MAGI2: variants seen among roughly 807,000 people sequenced by gnomAD.
MAGI2 encodes the protein membrane-associated guanylate kinase, WW and PDZ domain-containing protein 2.
Under a neutral mutation model 133.3 loss-of-function variants are expected in MAGI2, and 35 were observed. That is an observed-to-expected ratio of 0.26 (90% CI 0.20 to 0.35). MAGI2 has a LOEUF of 0.35. Among genes scored for constraint, MAGI2 ranks in the 10% least tolerant of loss-of-function variants. MAGI2 has a pLI of 1.00. For synonymous variants in MAGI2, 729 were observed against 710.6 expected (o/e 1.03, Z -0.41); for missense variants, 1,636 against 1,863.4 (o/e 0.88, Z 2.25).
intron 6 of MAGI2, among the ~76,000 whole-genome samples, chr7:78,438,341 A>C (rs1046794878): frequency 1.1e-4 from 17 of 152,102 alleles, no homozygotes; most frequent in African/African-American, 4.1e-4. Flanking sequence ...TAAGATGTGA[A>C]TTCACTTGTA....
chr7:78,186,116 C>T (rs1827671416), intron 12 of MAGI2, among the ~76,000 whole-genome samples: 1 of 152,010 alleles, frequency 6.6e-6, no homozygotes, highest in South Asian at 2.1e-4. Context: ...GATTTATGTA[C>T]ACTAGTCCAA....
At chr7:79,363,709 A>C (rs965285161) in intron 1 of MAGI2, among the ~76,000 whole-genome samples, 3 of 144,022 alleles carry the variant, frequency 2.1e-5, no homozygotes, top group Non-Finnish European at 3.0e-5. Flanking sequence ...AAAAAAAAAA[A>C]CAGAATTGCA....
At chr7:78,078,802 GT>G (rs1563092812) in intron 21 of MAGI2, 144 bp downstream of exon 21, 1 of 766,528 alleles carries the variant, frequency 1.3e-6, no homozygotes, top group Non-Finnish European at 2.2e-6. Flanking sequence ...GTGTGTGTGT[GT>G]GTGTGTGTGT....
intron 2 of MAGI2, among the ~76,000 whole-genome samples, chr7:78,843,997 A>C (rs546701847): frequency 6.8e-6 from 1 of 147,362 alleles, no homozygotes; most frequent in Admixed American, 6.8e-5. Context: ...TATTATTTAT[A>C]TATATATATT....
intron 2 of MAGI2, among the ~76,000 whole-genome samples, chr7:78,780,888 T>C (rs1826343167): frequency 6.6e-6 from 1 of 152,234 alleles, no homozygotes; most frequent in Admixed American, 6.5e-5. Flanking sequence ...AAAAGTAAGA[T>C]GACTGAAAAG....
At position 79,099,127 on chromosome 7, in the gene MAGI2, T is replaced by C. The variant is rs568124357; in HGVS notation, c.302-91921A>G. Among the ~76,000 whole-genome samples the C allele has an allele frequency of 7.2e-5, 11 of 152,202 alleles. No homozygotes were observed. The East Asian group carries it at 2.1e-3, about 29-fold the overall frequency. On this transcript the variant is annotated intron_variant, in intron 1 of 21. Coordinates refer to ENST00000354212, the MANE Select transcript of MAGI2 (RefSeq NM_012301.4). ...ATAAATTTAAATTCAAGCTTTCCCT[T>C]TAGCGATTTCAGTTATTTAAAAGTT... is the stretch of plus-strand genomic sequence containing the variant.
rs201949773 is a variant in MAGI2, at chr7:78,581,938, TC to T, written c.538+45181del. On this transcript the variant is annotated intron_variant, in intron 3 of 21. Coordinates refer to ENST00000354212, the MANE Select transcript of MAGI2 (RefSeq NM_012301.4). Reference sequence around the variant, plus strand: ...CTTGTGCCTTCAGAAGTAAGGACATTCCTTTCCTCCGGGTATATGGAGAGCA... The same window carrying T: ...CTTGTGCCTTCAGAAGTAAGGACATTCTTTCCTCCGGGTATATGGAGAGCA... Among the ~76,000 whole-genome samples the T allele has an allele frequency of 9.3e-4, 141 of 152,310 alleles. No individual in the cohort carries two copies. The East Asian group carries it at 0.025, about 27-fold the overall frequency.
intron 2 of MAGI2, among the ~76,000 whole-genome samples, chr7:78,830,081 A>G (rs1791007979): frequency 6.6e-6 from 1 of 152,020 alleles, no homozygotes; most frequent in Admixed American, 6.6e-5. Context: ...AATCAAAATA[A>G]TTTTTCTTTT....
At chr7:78,114,818 G>A (rs2150478506) in intron 20 of MAGI2, among the ~76,000 whole-genome samples, 2 of 152,314 alleles carry the variant, frequency 1.3e-5, no homozygotes, top group Middle Eastern at 6.8e-3. Flanking sequence ...ACTCACACAA[G>A]TGGGGACTGG....
chr7:79,068,741 C>A (rs1814638585), intron 1 of MAGI2, among the ~76,000 whole-genome samples: 1 of 152,118 alleles, frequency 6.6e-6, no homozygotes, highest in South Asian at 2.1e-4. Context: ...TATAAATTTC[C>A]CTCCACACAC....
chr7:79,098,075 T>C (rs1173357691), intron 1 of MAGI2, among the ~76,000 whole-genome samples: 3 of 152,118 alleles, frequency 2.0e-5, no homozygotes, highest in Admixed American at 2.0e-4. Flanking sequence ...TGAGCCAAGA[T>C]GGCACCTCTG....
intron 1 of MAGI2, among the ~76,000 whole-genome samples, chr7:79,104,715 G>T (rs140006725): frequency 1.3e-5 from 2 of 151,794 alleles, no homozygotes; most frequent in Non-Finnish European, 2.9e-5. Flanking sequence ...AAAAAGAAAA[G>T]AAAAGAAAAA....
chr7:78,824,582 A>G (rs1790460175), intron 2 of MAGI2, among the ~76,000 whole-genome samples: 3 of 151,984 alleles, frequency 2.0e-5, no homozygotes, highest in Non-Finnish European at 2.9e-5. Context: ...TCTTTTGAGA[A>G]GTTTCAGTTC....
intron 1 of MAGI2, among the ~76,000 whole-genome samples, chr7:79,172,454 A>G (rs1187160544): frequency 6.6e-6 from 1 of 152,098 alleles, no homozygotes; most frequent in Non-Finnish European, 1.5e-5. Flanking sequence ...CCATTATAAG[A>G]ATGTGATGTC....
intron 2 of MAGI2, among the ~76,000 whole-genome samples, chr7:78,988,079 C>T (rs996229197): frequency 2.0e-5 from 3 of 152,094 alleles, no homozygotes; most frequent in African/African-American, 4.8e-5. Flanking sequence ...GTAAATTCAA[C>T]GTGGGCCAGG....
chr7:78,595,862 A>C (rs1161730459), intron 3 of MAGI2, among the ~76,000 whole-genome samples: 1 of 152,108 alleles, frequency 6.6e-6, no homozygotes, highest in Non-Finnish European at 1.5e-5. Flanking sequence ...GTAGAGGGAG[A>C]GGTCAGAGAA....
chr7:78,782,420 G>A (rs1433169004), intron 2 of MAGI2, among the ~76,000 whole-genome samples: 1 of 152,130 alleles, frequency 6.6e-6, no homozygotes, highest in Non-Finnish European at 1.5e-5. Flanking sequence ...AAAGGAGTGG[G>A]GAAGAAATGA....
At chr7:78,902,483 A>G (rs763165679) in intron 2 of MAGI2, 5 of 152,192 alleles carry the variant, frequency 3.3e-5, no homozygotes, top group Admixed American at 1.3e-4. Flanking sequence ...TCTCAAATCA[A>G]ATATTTAACC....
At chr7:78,670,099 AG>A (rs1356675335) in intron 2 of MAGI2, among the ~76,000 whole-genome samples, 5 of 151,016 alleles carry the variant, frequency 3.3e-5, no homozygotes, top group African/African-American at 4.9e-5. Flanking sequence ...AGGAAATAAA[AG>A]GTATTCAATT....
Sources: gnomAD v4.1 joint callset for allele counts (sites outside exome capture counted in the v4.1 genomes callset) on GRCh38, gnomAD v4.1.1 for gene constraint, MANE v1.5 for transcripts, NCBI Gene and HGNC (gene_info 2026-07-23, HGNC 2026-07-21) for gene names.